Variants in SPIDR observed in about 807,000 individuals in gnomAD.
SPIDR encodes the protein scaffold protein involved in DNA repair.
Under a neutral mutation model 104.6 loss-of-function variants are expected in SPIDR, and 93 were observed. The ratio of observed to expected loss-of-function variants is 0.89; its 90% CI spans 0.75 to 1.06. The LOEUF (loss-of-function observed/expected upper bound fraction) is 1.06. Ranked by LOEUF, SPIDR falls within the 50% of genes least tolerant of loss-of-function variation. The probability of loss-of-function intolerance (pLI) is 0.00; values close to 1 mark genes in which losing one functional copy is unlikely to be tolerated. For synonymous variants in SPIDR, 431 were observed against 416.9 expected (o/e 1.03, Z -0.41); for missense variants, 1,154 against 1,111.2 (o/e 1.04, Z -0.55).
intron 10 of SPIDR, among the ~76,000 whole-genome samples, chr8:47,634,819 G>C (rs928619945): frequency 1.3e-5 from 2 of 152,184 alleles, no homozygotes; most frequent in Admixed American, 1.3e-4. Context: ...AGCTTCCACA[G>C]AACATTTGTT....
At chr8:47,551,362 T>C (rs2090443092) in intron 8 of SPIDR, among the ~76,000 whole-genome samples, 1 of 152,238 alleles carries the variant, frequency 6.6e-6, no homozygotes, top group Non-Finnish European at 1.5e-5. Flanking sequence ...CTCCTCTTTG[T>C]TCCTCTGGTG....
At chr8:47,396,719 A>AT (rs2061291627) in intron 6 of SPIDR, 93 bp downstream of exon 6, 1 of 1,286,242 alleles carries the variant, frequency 7.8e-7, no homozygotes, top group Non-Finnish European at 1.1e-6. Flanking sequence ...ATACTTGTAT[A>AT]TGAAGTCCTA....
At chr8:47,573,981 TC>T (rs2058806123) in intron 8 of SPIDR, among the ~76,000 whole-genome samples, 1 of 152,236 alleles carries the variant, frequency 6.6e-6, no homozygotes, top group African/African-American at 2.4e-5. Context: ...CCAAGAATGT[TC>T]CTACTGCTTT....
chr8:47,320,992 T>C (rs1422119904), intron 5 of SPIDR, among the ~76,000 whole-genome samples: 1 of 150,242 alleles, frequency 6.7e-6, no homozygotes, highest in East Asian at 2.0e-4. Context: ...GCCAATATCA[T>C]AATGGGCAAA....
intron 8 of SPIDR, among the ~76,000 whole-genome samples, chr8:47,464,838 G>T (rs1483948164): frequency 6.6e-6 from 1 of 151,928 alleles, no homozygotes; most frequent in Non-Finnish European, 1.5e-5. Flanking sequence ...GCAAAGTTTT[G>T]CCTCACTGCA....
intron 1 of SPIDR, among the ~76,000 whole-genome samples, chr8:47,278,096 C>CTTTTTTTTTTTTTT (rs71225674): frequency 7.3e-6 from 1 of 137,268 alleles, no homozygotes; most frequent in African/African-American, 2.7e-5. Flanking sequence ...TTTTCTTTCT[C>CTTTTTTTTTTTTTT]TTTTTTTTTT....
At chr8:47,449,555 T>C (rs2071316084) in intron 8 of SPIDR, among the ~76,000 whole-genome samples, 1 of 152,202 alleles carries the variant, frequency 6.6e-6, no homozygotes, top group South Asian at 2.1e-4. Context: ...ACCAAAGCAG[T>C]ACTAACGATG....
At chr8:47,336,541 C>T (rs1275620609) in intron 5 of SPIDR, among the ~76,000 whole-genome samples, 1 of 152,138 alleles carries the variant, frequency 6.6e-6, no homozygotes, top group Non-Finnish European at 1.5e-5. Context: ...GGCAAGGAAG[C>T]AATCATGATG....
At chr8:47,434,288 TTCTC>T (rs1339261572) in intron 7 of SPIDR, among the ~76,000 whole-genome samples, 1 of 152,124 alleles carries the variant, frequency 6.6e-6, no homozygotes, top group African/African-American at 2.4e-5. Flanking sequence ...TTGCTCATGA[TTCTC>T]TGTGTGTGTA....
intron 8 of SPIDR, among the ~76,000 whole-genome samples, chr8:47,486,337 G>A (rs1023170665): frequency 2.6e-5 from 4 of 152,174 alleles, no homozygotes; most frequent in African/African-American, 9.7e-5. Context: ...AAGCCTCCAA[G>A]AAATATGGGA....
At chr8:47,488,601 A>C (rs765725741) in intron 8 of SPIDR, among the ~76,000 whole-genome samples, 2 of 152,240 alleles carry the variant, frequency 1.3e-5, no homozygotes, top group African/African-American at 4.8e-5. Context: ...AAAAATCCTC[A>C]GTAAAATACT....
chr8:47,321,263 A>C (rs1235379693), intron 5 of SPIDR, among the ~76,000 whole-genome samples: 1 of 152,246 alleles, frequency 6.6e-6, no homozygotes, highest in Non-Finnish European at 1.5e-5. Context: ...ATACAAAATC[A>C]ATGTGCAAAA....
intron 8 of SPIDR, among the ~76,000 whole-genome samples, chr8:47,525,451 G>C (rs1210490501): frequency 6.6e-6 from 1 of 152,104 alleles, no homozygotes; most frequent in African/African-American, 2.4e-5. Context: ...TGAAAACTTA[G>C]AAAATTTTAT....
chr8:47,511,224 C>T (rs1478895864), intron 8 of SPIDR: 5 of 1,590,592 alleles, frequency 3.1e-6, no homozygotes, highest in Non-Finnish European at 4.3e-6. Context: ...TCTGCACCAG[C>T]CTCCCACCGT....
At chr8:47,717,044 G>A (rs1409140772) in intron 16 of SPIDR, among the ~76,000 whole-genome samples, 1 of 152,194 alleles carries the variant, frequency 6.6e-6, no homozygotes, top group Admixed American at 6.5e-5. Context: ...GTGAGCCAGC[G>A]TGGAGCTGCT....
At chr8:47,460,667 G>A (rs1480865445) in intron 8 of SPIDR, among the ~76,000 whole-genome samples, 1 of 152,156 alleles carries the variant, frequency 6.6e-6, no homozygotes, top group Non-Finnish European at 1.5e-5. Context: ...GTATTGAGAT[G>A]TGAGGTACTG....
chr8:47,291,045 C>G lies in SPIDR; in HGVS notation c.269C>G (p.Ser90Cys), dbSNP rs991275860. 4.5e-5 allele frequency: 73 copies of G among 1,609,892 alleles called. 1 individual carries two copies. Among genetic ancestry groups the G allele is most frequent in the South Asian group, 1.7e-4 (15 of 90,318 alleles). Residue 90 changes from serine (S) to cysteine (C), a missense_variant, in exon 4 of 20, where the codon TCT (serine) becomes TGT (cysteine). Transcript: ENST00000297423. Reference sequence around the variant, plus strand: ...TTTCCTTCAACAGAAACCACCACATCTAAAAGCACCAGTGGGCTTACAGAC... The same window carrying G: ...TTTCCTTCAACAGAAACCACCACATGTAAAAGCACCAGTGGGCTTACAGAC... ...CPRPKQETTTSKSTSGLTDIT... is the reference protein window; with the variant it reads ...CPRPKQETTTCKSTSGLTDIT...
intron 8 of SPIDR, among the ~76,000 whole-genome samples, chr8:47,532,845 A>G (rs2086256274): frequency 6.6e-6 from 1 of 152,244 alleles, no homozygotes; most frequent in Non-Finnish European, 1.5e-5. Context: ...TCTCAAGCTC[A>G]TGCAAAACAT....
intron 10 of SPIDR, among the ~76,000 whole-genome samples, chr8:47,671,593 T>TAAATAAAC (rs1445089752): frequency 2.7e-4 from 41 of 150,014 alleles, no homozygotes; most frequent in African/African-American, 9.3e-4. Flanking sequence ...TCAAAATAAA[T>TAAATAAAC]AAATAAATAA....
Sources: allele counts gnomAD v4.1 joint callset (sites outside exome capture counted in the v4.1 genomes callset), GRCh38; gene constraint gnomAD v4.1.1; transcripts MANE v1.5; gene names NCBI Gene and HGNC (gene_info 2026-07-23, HGNC 2026-07-21).